Variants in ITPR1 observed in about 807,000 individuals in gnomAD.
The protein encoded by ITPR1 is inositol 1,4,5-trisphosphate receptor type 1.
ITPR1 carries 96 observed loss-of-function variants against 318.4 expected under a neutral mutation model. That is an observed-to-expected ratio of 0.30 (90% CI 0.26 to 0.36). The LOEUF (loss-of-function observed/expected upper bound fraction) is 0.36, where lower values mean the gene tolerates loss of function less well. Ranked by LOEUF, ITPR1 falls within the 10% of genes least tolerant of loss-of-function variation. The pLI is 1.00. For synonymous variants in ITPR1, 1,312 were observed against 1,289.9 expected, an observed-to-expected ratio of 1.02 and a Z score of -0.37; for missense variants, 2,440 against 3,460.2, an observed-to-expected ratio of 0.71 and a Z score of 7.40.
At chr3:4,669,880 A>G in intron 19 of ITPR1, 107 bp downstream of exon 19, 1 of 1,135,684 alleles carries the variant, frequency 8.8e-7, no homozygotes, top group East Asian at 3.0e-5. Context: ...ATCTAAAGTC[A>G]GTGTGGCTGG....
chr3:4,784,940 G>A (rs2047087539), intron 51 of ITPR1, among the ~76,000 whole-genome samples: 1 of 152,052 alleles, frequency 6.6e-6, no homozygotes, highest in Admixed American at 6.6e-5. Flanking sequence ...TGTGGAGATG[G>A]CCATAATGTG....
At chr3:4,661,213 C>T (rs534444849) in intron 14 of ITPR1, 126 bp downstream of exon 14, 37 of 544,082 alleles carry the variant, frequency 6.8e-5, no homozygotes, top group South Asian at 1.2e-4. Flanking sequence ...TGGTCATGGC[C>T]GAACTTGAAT....
At chr3:4,661,746 C>T (rs2093837366) in intron 14 of ITPR1, among the ~76,000 whole-genome samples, 1 of 152,170 alleles carries the variant, frequency 6.6e-6, no homozygotes, top group African/African-American at 2.4e-5. Flanking sequence ...CACTTAGAAT[C>T]ATTAATTACC....
At chr3:4,752,581 ACT>A (rs1170929655) in intron 44 of ITPR1, among the ~76,000 whole-genome samples, 1 of 152,182 alleles carries the variant, frequency 6.6e-6, no homozygotes, top group East Asian at 1.9e-4. Flanking sequence ...ATAAAGTTAT[ACT>A]TCAGCTGCCA....
intron 23 of ITPR1, 60 bp downstream of exon 23, chr3:4,675,308 T>C: frequency 8.1e-7 from 1 of 1,231,536 alleles, no homozygotes; most frequent in Non-Finnish European, 1.2e-6. Context: ...CCTGTTATGC[T>C]CATGTCATAC....
At chr3:4,615,068 G>A (rs949050941) in intron 4 of ITPR1, among the ~76,000 whole-genome samples, 3 of 152,194 alleles carry the variant, frequency 2.0e-5, no homozygotes, top group African/African-American at 2.4e-5. Context: ...CACTATGGGA[G>A]GCATGGCTGC....
intron 4 of ITPR1, among the ~76,000 whole-genome samples, chr3:4,547,605 C>G (rs999414995): frequency 1.3e-5 from 2 of 152,176 alleles, no homozygotes; most frequent in South Asian, 4.1e-4. Flanking sequence ...ATTTATTACA[C>G]GCTAATACCT....
In ITPR1 at chr3:4,642,102, T is replaced by G. The variant is rs1240426359; in HGVS notation, c.376T>G (p.Leu126Val). The change falls in exon 7 of 62, where the codon TTG becomes GTG. Residue 126 changes from leucine (L) to valine (V), a missense_variant. Leu to Val is a conservative substitution (Grantham distance 32). Around this residue, in one of 23 missense-constraint regions of ITPR1, gnomAD observed 186 missense variants for 323.9 expected, o/e 0.57. Coordinates refer to ENST00000649015, the MANE Select transcript of ITPR1 (RefSeq NM_001378452.1). ...QYGNVIQLLH[L>V]KSNKYLTVNK... ...CTTGGTGGGTTTTTAGCTCCTGCATTTGAAAAGTAATAAATACCTAACAGT... is the reference window on the plus strand; with the variant it reads ...CTTGGTGGGTTTTTAGCTCCTGCATGTGAAAAGTAATAAATACCTAACAGT... 1 of 1,585,984 alleles carries G rather than the reference T, an allele frequency of 6.3e-7. No homozygotes were observed. The highest frequency in any genetic ancestry group is 8.6e-7 in the Non-Finnish European group (1 of 1,168,144).
At chr3:4,787,041 T>A (rs1471865471) in intron 51 of ITPR1, among the ~76,000 whole-genome samples, 1 of 152,112 alleles carries the variant, frequency 6.6e-6, no homozygotes, top group South Asian at 2.1e-4. Flanking sequence ...TACAATTAAA[T>A]AAAATTAAAT....
intron 4 of ITPR1, among the ~76,000 whole-genome samples, chr3:4,574,335 G>C (rs781496438): frequency 1.3e-5 from 2 of 151,792 alleles, no homozygotes; most frequent in South Asian, 4.2e-4. Flanking sequence ...CACATTTCCT[G>C]TTGTAATGTG....
At chr3:4,749,605 GA>G in intron 44 of ITPR1, 1 of 152,310 alleles carries the variant, frequency 6.6e-6, no homozygotes, top group Non-Finnish European at 1.5e-5. Flanking sequence ...TTATCTGTTT[GA>G]AAGTCCTCTC....
At chr3:4,806,550 T>C (rs1173222302) in intron 55 of ITPR1, among the ~76,000 whole-genome samples, 1 of 152,318 alleles carries the variant, frequency 6.6e-6, no homozygotes, top group Non-Finnish European at 1.5e-5. Flanking sequence ...TCAGGAGATG[T>C]TTCCTTTCCA....
At chr3:4,831,310 G>T in intron 60 of ITPR1, 1 of 267,928 alleles carries the variant, frequency 3.7e-6, no homozygotes, top group Non-Finnish European at 7.6e-6. Flanking sequence ...TAGCACTTGT[G>T]GTCAGCCTGC....
intron 20 of ITPR1, among the ~76,000 whole-genome samples, chr3:4,672,465 C>T (rs2094107692): frequency 6.6e-6 from 1 of 152,136 alleles, no homozygotes; most frequent in Admixed American, 6.5e-5. Flanking sequence ...ATTTTGAAAG[C>T]CTGTGGCTTT....
chr3:4,696,673 G>GT (rs10546052), intron 33 of ITPR1, among the ~76,000 whole-genome samples: 26,135 of 117,084 alleles, frequency 0.22, 3,600 homozygotes, highest in East Asian at 0.71. Context: ...CTTGCCGTGT[G>GT]TTTTTTTTTT....
Position 4,714,456 on chromosome 3 carries a change from C to T in ITPR1, c.5103+2588C>T, listed in dbSNP as rs78910579. On this transcript the variant is annotated intron_variant, in intron 39 of 61. Coordinates refer to ENST00000649015, the MANE Select transcript of ITPR1 (RefSeq NM_001378452.1). ...TCCTGAGCCTTCACCGCCAAAGAATCGGATCTGGAGGGGCCCTGGCATGGC... is the reference window on the plus strand; with the variant it reads ...TCCTGAGCCTTCACCGCCAAAGAATTGGATCTGGAGGGGCCCTGGCATGGC... Among the ~76,000 whole-genome samples the T allele has an allele frequency of 3.1e-3, 466 of 152,206 alleles. 2 individuals are homozygous for T. Among genetic ancestry groups the T allele is most frequent in the African/African-American group, 0.011 (450 of 41,506 alleles).
At chr3:4,499,629 CAGATCT>C (rs2124870548) in intron 2 of ITPR1, among the ~76,000 whole-genome samples, 1 of 152,280 alleles carries the variant, frequency 6.6e-6, no homozygotes, top group Admixed American at 6.5e-5. Flanking sequence ...ATTTCCTCTA[CAGATCT>C]TTTTTCCATG....
chr3:4,683,685 T>C lies in ITPR1; in HGVS notation c.3385T>C (p.Leu1129=), dbSNP rs1212539045. 1 of 1,613,994 alleles carries C rather than the reference T, an allele frequency of 6.2e-7. No individual in the cohort carries two copies. The highest frequency in any genetic ancestry group is 1.7e-5 in the Admixed American group (1 of 60,026). Residue 1129 remains leucine (L), a synonymous_variant, in exon 28 of 62, where the codon TTG becomes CTG. Transcript: ENST00000649015. ...CAACTACAAACAGATCAAACAAGACTTGGATCAACTGAGGTCCATCGTGGA... is the reference window on the plus strand; with the variant it reads ...CAACTACAAACAGATCAAACAAGACCTGGATCAACTGAGGTCCATCGTGGA... ...VDNYKQIKQD[L]DQLRSIVEKS... is the part of the protein sequence containing the mutation.
At chr3:4,612,188 A>G (rs1336021604) in intron 4 of ITPR1, among the ~76,000 whole-genome samples, 1 of 149,464 alleles carries the variant, frequency 6.7e-6, no homozygotes, top group African/African-American at 2.5e-5. Context: ...CAGCCTCCCG[A>G]GTAGCTGGGA....
Sources: allele counts gnomAD v4.1 joint callset (sites outside exome capture counted in the v4.1 genomes callset), GRCh38; gene constraint gnomAD v4.1.1; regional missense constraint gnomAD v4.1.1; transcripts MANE v1.5; gene names NCBI Gene and HGNC (gene_info 2026-07-23, HGNC 2026-07-21).